DCC: variants seen among roughly 807,000 people sequenced by gnomAD.
The protein encoded by DCC is DCC netrin 1 receptor, also known as netrin receptor DCC.
In DCC, 58 loss-of-function variants were observed where a neutral mutation model predicts 172.5. That is an observed-to-expected ratio of 0.34 (90% confidence interval 0.27 to 0.42). DCC has a LOEUF of 0.42. Among genes scored for constraint, DCC ranks in the 10% least tolerant of loss-of-function variants. The probability of loss-of-function intolerance (pLI) is 1.00; values close to 1 mark genes in which losing one functional copy is unlikely to be tolerated. For synonymous variants in DCC, 709 were observed against 644.5 expected, an observed-to-expected ratio of 1.10 and a Z score of -1.52; for missense variants, 1,740 against 1,791.0, an observed-to-expected ratio of 0.97 and a Z score of 0.51.
chr18:52,363,161 G>A (rs1984697202), intron 1 of DCC, among the ~76,000 whole-genome samples: 1 of 152,146 alleles, frequency 6.6e-6, no homozygotes, highest in Non-Finnish European at 1.5e-5. Context: ...ACAGACCTGA[G>A]CCACTGCATC....
At chr18:52,784,951 CAGAG>C (rs925218545) in intron 2 of DCC, among the ~76,000 whole-genome samples, 7 of 126,860 alleles carry the variant, frequency 5.5e-5, no homozygotes, top group South Asian at 2.6e-4. Context: ...GAGAGAGAGA[CAGAG>C]AGAGAGAGAC....
At chr18:52,925,400 T>C (rs1168072446) in intron 5 of DCC, 30 bp downstream of exon 5, 3 of 1,606,352 alleles carry the variant, frequency 1.9e-6, no homozygotes, top group South Asian at 2.2e-5. Context: ...TGAGTTTATA[T>C]TGTACCTTTC....
At position 53,043,047 on chromosome 18, in the gene DCC, G is replaced by A. The variant is rs575349888; in HGVS notation, c.986-20258G>A. ...GTTTATTGCAGCAGTATTCACAATA[G>A]CAAAGACTTGGAACCAACCCAAATG... On this transcript the variant is annotated intron_variant, in intron 5 of 28. Transcript: ENST00000442544. Among the ~76,000 whole-genome samples the A allele has an allele frequency of 2.6e-5, 4 of 152,016 alleles. No individual in the cohort carries two copies. The East Asian group carries it at 7.8e-4, about 30-fold the overall frequency.
intron 15 of DCC, among the ~76,000 whole-genome samples, chr18:53,366,468 A>G (rs2058006055): frequency 6.6e-6 from 1 of 152,210 alleles, no homozygotes; most frequent in Non-Finnish European, 1.5e-5. Flanking sequence ...GTAGGCACTA[A>G]GAATATTATA....
At chr18:53,447,178 C>T (rs1912665642) in intron 22 of DCC, among the ~76,000 whole-genome samples, 1 of 152,202 alleles carries the variant, frequency 6.6e-6, no homozygotes, top group South Asian at 2.1e-4. Flanking sequence ...TCAGTATTCA[C>T]TAATTAGCAT....
chr18:53,273,035 G>T (rs534423333), intron 12 of DCC, among the ~76,000 whole-genome samples: 87 of 152,170 alleles, frequency 5.7e-4, no homozygotes, highest in Middle Eastern at 6.8e-3. Flanking sequence ...CACTAAAAGA[G>T]GGAAAATGAT....
At chr18:52,912,171 T>G (rs559058254) in intron 3 of DCC, among the ~76,000 whole-genome samples, 1 of 152,224 alleles carries the variant, frequency 6.6e-6, no homozygotes, top group African/African-American at 2.4e-5. Flanking sequence ...AATTGTACAA[T>G]TTAGGGCATG....
At chr18:53,300,106 C>A (rs1382993276) in intron 12 of DCC, among the ~76,000 whole-genome samples, 3 of 152,076 alleles carry the variant, frequency 2.0e-5, no homozygotes, top group Admixed American at 6.6e-5. Context: ...TTAATCAGAT[C>A]AATTGTATGT....
intron 28 of DCC, among the ~76,000 whole-genome samples, chr18:53,529,003 TTC>T (rs144580817): frequency 0.016 from 1,631 of 100,718 alleles, 17 homozygotes; most frequent in African/African-American, 0.022. Context: ...TCACTTCAAC[TTC>T]TCTCTCTCTC....
intron 1 of DCC, among the ~76,000 whole-genome samples, chr18:52,417,927 C>G (rs1484817419): frequency 6.6e-6 from 1 of 152,206 alleles, no homozygotes; most frequent in Non-Finnish European, 1.5e-5. Context: ...AACTGCGTTC[C>G]TTTGCGAGAA....
chr18:52,557,831 G>C (rs1349940934), intron 1 of DCC, among the ~76,000 whole-genome samples: 1 of 151,938 alleles, frequency 6.6e-6, no homozygotes, highest in African/African-American at 2.4e-5. Context: ...GGCTAATTTT[G>C]GTATTTTTGG....
intron 5 of DCC, among the ~76,000 whole-genome samples, chr18:52,937,696 G>A (rs551932355): frequency 7.9e-5 from 12 of 152,050 alleles, no homozygotes; most frequent in South Asian, 2.1e-4. Flanking sequence ...CTATATTGCC[G>A]AGGCTGGTTT....
chr18:53,418,352 G>A (rs1467437024), intron 21 of DCC, among the ~76,000 whole-genome samples: 2 of 151,984 alleles, frequency 1.3e-5, no homozygotes, highest in African/African-American at 4.8e-5. Flanking sequence ...ACATGCATGA[G>A]AAATAACCCA....
At chr18:52,778,164 C>G (rs555323165) in intron 2 of DCC, among the ~76,000 whole-genome samples, 156 of 152,248 alleles carry the variant, frequency 1.0e-3, no homozygotes, top group African/African-American at 3.4e-3. Context: ...AAGAAATACA[C>G]TATGTAGAGA....
At chr18:52,646,134 T>C (rs1568272657) in intron 1 of DCC, among the ~76,000 whole-genome samples, 1 of 152,178 alleles carries the variant, frequency 6.6e-6, no homozygotes, top group Non-Finnish European at 1.5e-5. Context: ...GTTGCTGATC[T>C]CTCTGAGTCT....
At chr18:53,193,419 C>T (rs1164094583) in intron 9 of DCC, among the ~76,000 whole-genome samples, 2 of 152,098 alleles carry the variant, frequency 1.3e-5, no homozygotes, top group Non-Finnish European at 2.9e-5. Flanking sequence ...TTCCTTTTTG[C>T]CAGATATAAT....
intron 7 of DCC, among the ~76,000 whole-genome samples, chr18:53,108,067 T>C (rs538116789): frequency 3.0e-4 from 46 of 151,934 alleles, no homozygotes; most frequent in Non-Finnish European, 2.9e-4. Flanking sequence ...TTCAGAAATT[T>C]AGAAACTGCC....
At chr18:53,421,395 T>C (rs1599130477) in intron 21 of DCC, among the ~76,000 whole-genome samples, 1 of 152,164 alleles carries the variant, frequency 6.6e-6, no homozygotes, top group African/African-American at 2.4e-5. Flanking sequence ...AAATGCTCAC[T>C]TTGAGCACTC....
intron 27 of DCC, among the ~76,000 whole-genome samples, chr18:53,506,782 T>C (rs1019199993): frequency 2.1e-4 from 31 of 150,294 alleles, no homozygotes; most frequent in African/African-American, 7.3e-4. Context: ...CACTTGAACC[T>C]GGAAGGCAGA....
Sources: allele counts gnomAD v4.1 joint callset (sites outside exome capture counted in the v4.1 genomes callset), GRCh38; gene constraint gnomAD v4.1.1; transcripts MANE v1.5; gene names NCBI Gene and HGNC (gene_info 2026-07-23, HGNC 2026-07-21).